The following RGS3 variants were observed in gnomAD, a reference collection of about 807,000 sequenced individuals.
The protein encoded by RGS3 is regulator of G-protein signalling 3.
A neutral mutation model predicts 132.6 loss-of-function variants in RGS3; 80 were observed. That is an observed-to-expected ratio of 0.60 (90% confidence interval 0.50 to 0.73). The LOEUF (loss-of-function observed/expected upper bound fraction) is 0.73, where lower values mean the gene tolerates loss of function less well. RGS3 is among the 30% of genes least tolerant of loss of function. The pLI is 0.00. For synonymous variants in RGS3, 598 were observed against 620.6 expected (o/e 0.96, Z 0.54); for missense variants, 1,382 against 1,530.8 (o/e 0.90, Z 1.62).
chr9:113,596,164 A>G (rs943451629), intron 24 of RGS3, among the ~76,000 whole-genome samples: 4 of 152,216 alleles, frequency 2.6e-5, no homozygotes, highest in Non-Finnish European at 5.9e-5. Flanking sequence ...GCGAAACCCC[A>G]TCTCTACTAA....
At chr9:113,551,317 T>G (rs1416696296) in intron 19 of RGS3, among the ~76,000 whole-genome samples, 1 of 152,254 alleles carries the variant, frequency 6.6e-6, no homozygotes, top group Non-Finnish European at 1.5e-5. Context: ...TTCCTTTTCA[T>G]GGCTGAATAA....
rs1024465112 is a variant in RGS3, at chr9:113,579,884, C to T, written c.2038-3566C>T. The stretch of plus-strand genomic sequence containing the variant: ...CCAGAGCAGCTTTGACACAGCACAG[C>T]TCTGCCTGTGGCATTTCGTTGCTCA... On this transcript the variant is annotated intron_variant, in intron 19 of 24. Coordinates refer to ENST00000350696, the Ensembl canonical transcript of RGS3. The surrounding 1 kb of genome is among the most constrained non-coding windows in gnomAD (Gnocchi z 4.3). Among the ~76,000 whole-genome samples the T allele has an allele frequency of 1.3e-5, 2 of 152,216 alleles. No homozygotes were observed. The highest frequency in any genetic ancestry group is 4.8e-5 in the African/African-American group (2 of 41,454).
At chr9:113,515,290 T>C (rs1471539777) in intron 15 of RGS3, among the ~76,000 whole-genome samples, 1 of 151,058 alleles carries the variant, frequency 6.6e-6, no homozygotes, top group East Asian at 2.0e-4. Flanking sequence ...TCCAGCCTCT[T>C]CTTCTTCCCC....
exon 20 of RGS3, chr9:113,583,911 C>G (rs1467851966): frequency 6.2e-7 from 1 of 1,613,980 alleles, no homozygotes; most frequent in Non-Finnish European, 8.5e-7. Flanking sequence ...CTGAGGACAC[C>G]ATGAGCTCCG....
At position 113,572,557 on chromosome 9, in the gene RGS3, C is replaced by T. The variant is rs150206940; in HGVS notation, c.2038-10893C>T. ...CCCCACCACCACCCAGTGCCCCCAG[C>T]GCTGCAGGCCCTGAAGGAGGAGGGC... On this transcript the variant is annotated intron_variant, in intron 19 of 24. Coordinates refer to ENST00000350696, the Ensembl canonical transcript of RGS3. Among the ~76,000 whole-genome samples, 612 of 152,262 alleles carry T rather than the reference C, an allele frequency of 4.0e-3. 5 individuals carry two copies. Among genetic ancestry groups the T allele is most frequent in the Non-Finnish European group, 4.1e-3 (281 of 68,020 alleles).
rs565625744 is a variant in RGS3 at position 113,546,401 on chromosome 9, C to T, written c.2037+9483C>T. On this transcript the variant is annotated intron_variant, in intron 19 of 24. Coordinates refer to ENST00000350696, the Ensembl canonical transcript of RGS3. ...GCATCTGGATGACTGTGAGCTTCTT[C>T]GGAGCAAGTAGATGTTATATTTTAT... 6.6e-5 allele frequency among the ~76,000 whole-genome samples: 10 copies of T among 152,272 alleles called. No individual in the cohort carries two copies. The South Asian group carries it at 1.5e-3, about 22-fold the overall frequency.
intron 19 of RGS3, among the ~76,000 whole-genome samples, chr9:113,544,506 T>G (rs1833029730): frequency 6.6e-6 from 1 of 152,188 alleles, no homozygotes; most frequent in African/African-American, 2.4e-5. Context: ...TAAATTCTAT[T>G]ACCAAAGTCC....
In RGS3 at chr9:113,507,482, A is replaced by G. The variant is rs761447926; in HGVS notation, c.1281A>G (p.Val427=). The G allele has an allele frequency of 1.9e-6, 3 of 1,613,316 alleles. No homozygotes were observed. Among genetic ancestry groups the G allele is most frequent in the Non-Finnish European group, 2.5e-6 (3 of 1,179,844 alleles). ...AGCAGCGCCACAGCTGCCACCTGGT[A>G]TGTGACAGCTCTGATGGGCTGCTGC... Residue 427 remains valine (V), a synonymous_variant, in exon 13 of 25, where the codon GTA becomes GTG. Coordinates refer to ENST00000350696, the Ensembl canonical transcript of RGS3. This position sits in a 1 kb window ranked among gnomAD's most constrained non-coding sequence, Gnocchi z 5.0.
chr9:113,539,331 A>G (rs1370625018), intron 19 of RGS3, among the ~76,000 whole-genome samples: 1 of 152,190 alleles, frequency 6.6e-6, no homozygotes, highest in South Asian at 2.1e-4. Context: ...TTGCTCTGAG[A>G]TGGAGTGTCG....
At position 113,584,235 on chromosome 9, in the gene RGS3, G is replaced by A. The variant is rs79299242; in HGVS notation, c.2823G>A (p.Thr941=). The A allele has an allele frequency of 2.8e-3, 4,474 of 1,611,102 alleles. 104 individuals carry two copies. The African/African-American group carries it at 0.054, about 20-fold the overall frequency. The change falls in exon 20 of 25, where the codon ACG becomes ACA. Residue 941 remains threonine (T), a synonymous_variant. Transcript: ENST00000350696. ...TGCAGAACTCGCTGCGGCGCCGGAC[G>A]CACAGCGAGGGCAGCCTGCTGCAGG... is the stretch of plus-strand genomic sequence containing the variant.
chr9:113,586,915 G>A (rs570743959), intron 20 of RGS3, among the ~76,000 whole-genome samples: 24 of 152,302 alleles, frequency 1.6e-4, no homozygotes, highest in South Asian at 1.4e-3. Flanking sequence ...GCAGTACCTG[G>A]CGCTCAGCAC....
chr9:113,498,537 G>A (rs964415649), intron 10 of RGS3, among the ~76,000 whole-genome samples: 3 of 152,216 alleles, frequency 2.0e-5, no homozygotes, highest in Non-Finnish European at 4.4e-5. Flanking sequence ...TTTCATATAA[G>A]GAGTTGGGAG....
chr9:113,548,569 G>A (rs1288690235), intron 19 of RGS3, among the ~76,000 whole-genome samples: 1 of 152,214 alleles, frequency 6.6e-6, no homozygotes. Context: ...TCGGGAGCTG[G>A]GTGGGGAGGC....
At chr9:113,497,382 G>A in exon 9 of RGS3, 1 of 1,613,570 alleles carries the variant, frequency 6.2e-7, no homozygotes, top group Non-Finnish European at 8.5e-7. Flanking sequence ...AGGTGGCCAG[G>A]CGGCGACTGC....
intron 3 of RGS3, among the ~76,000 whole-genome samples, chr9:113,468,255 T>G (rs1299402108): frequency 6.6e-6 from 1 of 152,224 alleles, no homozygotes; most frequent in Non-Finnish European, 1.5e-5. Flanking sequence ...GAGTTCAACT[T>G]CATTGTTTTT....
intron 19 of RGS3, among the ~76,000 whole-genome samples, chr9:113,547,069 G>T (rs1402372901): frequency 3.3e-5 from 5 of 151,984 alleles, no homozygotes. Flanking sequence ...AGAAAAGGTG[G>T]AGATCCAGAT....
At chr9:113,562,065 A>G (rs1017321387) in intron 19 of RGS3, among the ~76,000 whole-genome samples, 2 of 152,208 alleles carry the variant, frequency 1.3e-5, no homozygotes, top group Non-Finnish European at 2.9e-5. Flanking sequence ...GCCCTGCGCC[A>G]TGGTGCAGGA....
intron 10 of RGS3, among the ~76,000 whole-genome samples, chr9:113,499,101 C>T (rs1304185039): frequency 1.4e-5 from 2 of 145,238 alleles, no homozygotes; most frequent in Non-Finnish European, 3.0e-5. Context: ...GTGGTGTGCA[C>T]CTGTAGTCCC....
At chr9:113,466,539 G>T (rs1719200889) in intron 3 of RGS3, among the ~76,000 whole-genome samples, 1 of 152,132 alleles carries the variant, frequency 6.6e-6, no homozygotes, top group South Asian at 2.1e-4. Flanking sequence ...CTGAGGAGGT[G>T]GCCTTACTTC....
Sources: gnomAD v4.1 joint callset for allele counts (sites outside exome capture counted in the v4.1 genomes callset) on GRCh38, gnomAD v4.1.1 for gene constraint, Gnocchi (gnomAD v3.1) non-coding constraint, MANE v1.5 for transcripts, NCBI Gene and HGNC (gene_info 2026-07-23, HGNC 2026-07-21) for gene names.